The following SRCIN1 variants were observed in gnomAD, a reference collection of about 807,000 sequenced individuals.
SRCIN1 encodes SRC kinase signaling inhibitor 1.
In SRCIN1, 50 loss-of-function variants were observed where a neutral mutation model predicts 116.2. That is an observed-to-expected ratio of 0.43 (90% confidence interval 0.34 to 0.54). The LOEUF (loss-of-function observed/expected upper bound fraction) is 0.54, where lower values mean the gene tolerates loss of function less well. SRCIN1 is among the 20% of genes least tolerant of loss of function. The pLI, the probability that SRCIN1 is intolerant of heterozygous loss-of-function variation, is 0.02. For missense variants in SRCIN1, 1,446 were observed against 1,672.0 expected (o/e 0.86, Z 2.36); for synonymous variants, 736 against 750.0 (o/e 0.98, Z 0.30).
In SRCIN1 at chr17:38,551,273, C is replaced by T. The variant is rs371157459; in HGVS notation, c.2844G>A (p.Leu948=). 4 of 1,613,732 alleles carry T rather than the reference C, an allele frequency of 2.5e-6. No homozygotes were observed. Among genetic ancestry groups the T allele is most frequent in the Non-Finnish European group, 3.4e-6 (4 of 1,179,864 alleles). The change falls in exon 15 of 19, where the codon CTG becomes CTA. Residue 948 remains leucine, a synonymous_variant. Transcript: ENST00000617146. ...QAELLKAIPD[L]DCASKAHPGP... ...CTGGATGGGCCTTGCTGGCACAGTCCAGGTCAGGGATGGCCTTGAGCAGCT... is the reference window on the plus strand; with the variant it reads ...CTGGATGGGCCTTGCTGGCACAGTCTAGGTCAGGGATGGCCTTGAGCAGCT...
At position 38,563,055 on chromosome 17, in the gene SRCIN1, C is replaced by G. The variant is rs1418484030; in HGVS notation, c.741-135G>C. The G allele has an allele frequency of 1.2e-6, 1 of 822,576 alleles. No homozygotes were observed. Among genetic ancestry groups the G allele is most frequent in the Non-Finnish European group, 1.9e-6 (1 of 516,042 alleles). 51.0% of individuals were successfully genotyped at this position (822,576 alleles called of 1,614,324 possible). ...CCCCATCTCAGGCTGCCTGCACACA[C>G]GCCCAGCAGCCTCCACCCCGGCCTC... On this transcript the variant is annotated intron_variant, in intron 5 of 18. Coordinates refer to ENST00000617146, the MANE Select transcript of SRCIN1 (RefSeq NM_025248.3). This position sits in a 1 kb window ranked among gnomAD's most constrained non-coding sequence, Gnocchi z 5.8.
chr17:38,564,262 C>T lies in SRCIN1; in HGVS notation c.397G>A (p.Ala133Thr). The T allele has an allele frequency of 6.4e-7, 1 of 1,574,104 alleles. No individual in the cohort carries two copies. Among genetic ancestry groups the T allele is most frequent in the Non-Finnish European group, 8.6e-7 (1 of 1,162,528 alleles). ...QGAQPGLADQAAKLSYASAES... is the reference protein window; with the variant it reads ...QGAQPGLADQTAKLSYASAES... ...GCGGAGGCGTAGGACAGCTTTGCCG[C>T]CTGGTCTGCCAGCCCGGGCTGGGCT... is the stretch of plus-strand genomic sequence containing the variant. Residue 133 changes from alanine (A) to threonine (T), a missense_variant, in exon 4 of 19, where the codon GCG (alanine) becomes ACG (threonine). This residue lies in a region of SRCIN1 where 246 missense variants were observed against 265.1 expected (regional missense o/e 0.93). Transcript: ENST00000617146.
At chr17:38,559,981 C>G (rs1321423491) in intron 9 of SRCIN1, 73 bp downstream of exon 9, 44 of 1,403,870 alleles carry the variant, frequency 3.1e-5, no homozygotes, top group Non-Finnish European at 4.3e-5. Flanking sequence ...GTAGCTATTG[C>G]TTAATCCCCA....
rs375350657 is a variant in SRCIN1 at position 38,549,050 on chromosome 17, T to C, written c.3117+6A>G. ...CCTGGCCCTCTGTCTGAGGTGGGAG[T>C]GGTACCTTGATGAAGGCCGAGTCCT... On this transcript the variant is annotated splice_donor_region_variant and intron_variant, in intron 16 of 18. Coordinates refer to ENST00000617146, the MANE Select transcript of SRCIN1 (RefSeq NM_025248.3). 77 of 1,612,228 alleles carry C rather than the reference T, an allele frequency of 4.8e-5. No homozygotes were observed. Among genetic ancestry groups the C allele is most frequent in the Non-Finnish European group, 6.2e-5 (73 of 1,179,448 alleles).
At position 38,548,640 on chromosome 17, in the gene SRCIN1, C is replaced by A. The variant is rs371947559; in HGVS notation, c.3187G>T (p.Ala1063Ser). ...ATGGGTGGTGTGGAGGCTGGGCGGG[C>A]CACCTCAGACACAGCCCGGCGCAGC... is the stretch of plus-strand genomic sequence containing the variant. ...VKLRRAVSEV[A>S]RPASTPPIMA... The change falls in exon 17 of 19, where the codon GCC (alanine) becomes TCC (serine). Residue 1063 changes from alanine to serine, a missense_variant. Ala to Ser is a moderately conservative substitution (Grantham distance 99, BLOSUM62 1). Around this residue, in one of 5 missense-constraint regions of SRCIN1, gnomAD observed 531 missense variants for 633.9 expected, o/e 0.84. Coordinates refer to ENST00000617146, the MANE Select transcript of SRCIN1 (RefSeq NM_025248.3). The A allele has an allele frequency of 7.4e-6, 12 of 1,612,752 alleles. No homozygotes were observed. In the African/African-American group the frequency reaches 1.5e-4, roughly 20 times the overall value.
At chr17:38,580,094 A>G (rs12949774) in intron 1 of SRCIN1, among the ~76,000 whole-genome samples, 1 of 152,168 alleles carries the variant, frequency 6.6e-6, no homozygotes, top group Non-Finnish European at 1.5e-5. Flanking sequence ...CTCCAAGGGC[A>G]GCCCAGGGCA....
chr17:38,605,817 G>T lies in SRCIN1; in HGVS notation c.-112C>A. The T allele has an allele frequency of 3.5e-6, 1 of 287,010 alleles. No individual in the cohort carries two copies. The highest frequency in any genetic ancestry group is 1.2e-4 in the South Asian group (1 of 8,086). 17.8% of individuals were successfully genotyped at this position (287,010 alleles called of 1,614,324 possible). A position where few individuals can be genotyped will look rare whatever the true frequency, so the allele number is the denominator to read the frequency against. On this transcript the variant is annotated 5_prime_UTR_variant, in exon 1 of 19. Transcript: ENST00000617146. ...CAGCCCCGGGGCGCGGTGCCAGGCG[G>T]GCGGGCCGGGGGCGCGGGCCCCGCC...
chr17:38,563,902 G>T lies in SRCIN1; in HGVS notation c.541+216C>A. On this transcript the variant is annotated intron_variant, in intron 4 of 18. Coordinates refer to ENST00000617146, the MANE Select transcript of SRCIN1 (RefSeq NM_025248.3). The surrounding 1 kb of genome is among the most constrained non-coding windows in gnomAD (Gnocchi z 5.8). ...AAAGGGACAGAAAAGGAAGCAAGAG[G>T]GAGAGAGGAGGCTTGGAGGGAAAGG... 1.6e-6 allele frequency: 1 copy of T among 616,938 alleles called. No individual in the cohort carries two copies. The highest frequency in any genetic ancestry group is 2.9e-6 in the Non-Finnish European group (1 of 350,672). The allele number at this position is 616,938 out of a possible 1,614,324, so 38.2% of individuals were successfully genotyped here.
intron 1 of SRCIN1, among the ~76,000 whole-genome samples, chr17:38,587,549 G>C (rs1171675439): frequency 6.6e-6 from 1 of 152,148 alleles, no homozygotes; most frequent in Non-Finnish European, 1.5e-5. Flanking sequence ...AGGAGCTGAA[G>C]GCAGAGCCCA....
At chr17:38,606,488 G>T (rs1395712675), upstream of SRCIN1, among the ~76,000 whole-genome samples, 1 of 152,112 alleles carries the variant, frequency 6.6e-6, no homozygotes, top group Non-Finnish European at 1.5e-5. This position sits in a 1 kb window ranked among gnomAD's most constrained non-coding sequence, Gnocchi z 5.2. Context: ...GACGCGGCTC[G>T]GTCGGAGGGT....
At chr17:38,540,740 GGTGTGTGTGTGT>G (rs151164930) in intron 18 of SRCIN1, among the ~76,000 whole-genome samples, 5 of 146,760 alleles carry the variant, frequency 3.4e-5, no homozygotes, top group Non-Finnish European at 7.5e-5. Flanking sequence ...AGCTGGCAGG[GGTGTGTGTGTGT>G]GTGTGTGTGT....
Position 38,562,054 on chromosome 17 carries a change from T to C in SRCIN1, c.1109A>G (p.Glu370Gly). ...CTCGTCCGGCTTCACGTCGCGCCGC[T>C]CCAGGATGGCGCTGGGGCTGGGGCT... ...GVSPSPSAIL[E>G]RRDVKPDEDL... The change falls in exon 7 of 19, where the codon GAG (glutamate) becomes GGG (glycine). Residue 370 changes from glutamate (E) to glycine (G), a missense_variant. Glu to Gly is a moderately conservative substitution (Grantham distance 98). Around this residue, in one of 5 missense-constraint regions of SRCIN1, gnomAD observed 239 missense variants for 317.7 expected, o/e 0.75. Transcript: ENST00000617146. This position sits in a 1 kb window ranked among gnomAD's most constrained non-coding sequence, Gnocchi z 4.2. 1 of 1,488,534 alleles carries C rather than the reference T, an allele frequency of 6.7e-7. No homozygotes were observed. Among genetic ancestry groups the C allele is most frequent in the Admixed American group, 2.3e-5 (1 of 44,326 alleles). 92.2% of individuals were successfully genotyped at this position (1,488,534 alleles called of 1,614,324 possible).
At position 38,562,205 on chromosome 17, in the gene SRCIN1, G is replaced by T. The variant is rs2143190014; in HGVS notation, c.958C>A (p.Leu320Met). The T allele has an allele frequency of 2.1e-6, 3 of 1,425,504 alleles. No homozygotes were observed. The highest frequency in any genetic ancestry group is 3.0e-5 in the East Asian group (1 of 33,156). 88.3% of individuals were successfully genotyped at this position (1,425,504 alleles called of 1,614,324 possible). The change falls in exon 7 of 19, where the codon CTG (leucine) becomes ATG (methionine). Residue 320 changes from leucine (L) to methionine (M), a missense_variant. Around this residue, in one of 5 missense-constraint regions of SRCIN1, gnomAD observed 239 missense variants for 317.7 expected, o/e 0.75. Coordinates refer to ENST00000617146, the MANE Select transcript of SRCIN1 (RefSeq NM_025248.3). The surrounding 1 kb of genome is among the most constrained non-coding windows in gnomAD (Gnocchi z 4.2). ...PGLPSGLPSG[L>M]QSGSPSRSRL... ...GAACGCGACGGCGAACCGGACTGCA[G>T]CCCGGACGGCAGCCCCGACGGCAGC...
At chr17:38,548,499 G>T in intron 17 of SRCIN1, 58 bp downstream of exon 17, 2 of 1,595,396 alleles carry the variant, frequency 1.3e-6, no homozygotes. Flanking sequence ...CTGGGGGGCA[G>T]CCTGGGAGGG....
chr17:38,555,845 A>T (rs1316803406), intron 11 of SRCIN1, among the ~76,000 whole-genome samples: 8 of 152,246 alleles, frequency 5.3e-5, no homozygotes, highest in Non-Finnish European at 1.2e-4. Context: ...AGGCTGTGCC[A>T]GTTTTATAAA....
Position 38,578,407 on chromosome 17 carries a change from GGGACAC to G in SRCIN1, c.324+77_324+82del, listed in dbSNP as rs1216829098. Reference sequence around the variant, plus strand: ...GCCTCCCAGAGTTGGAATGAGCCTGGGGACACGGAGCACGGGGTCAGACCTCCTCCC... The same window carrying G: ...GCCTCCCAGAGTTGGAATGAGCCTGGGGAGCACGGGGTCAGACCTCCTCCC... On this transcript the variant is annotated intron_variant, in intron 2 of 18. Transcript: ENST00000617146. 14 of 1,447,190 alleles carry G rather than the reference GGGACAC, an allele frequency of 9.7e-6. No homozygotes were observed. The African/African-American group carries it at 2.0e-4, about 21-fold the overall frequency. 89.6% of individuals were successfully genotyped at this position (1,447,190 alleles called of 1,614,324 possible).
chr17:38,598,727 C>T (rs1478232259), intron 1 of SRCIN1, among the ~76,000 whole-genome samples: 1 of 152,200 alleles, frequency 6.6e-6, no homozygotes, highest in African/African-American at 2.4e-5. Flanking sequence ...CCTGGGCTAC[C>T]AGGAGCCAGG....
Position 38,532,111 on chromosome 17 carries a change from G to A in SRCIN1, c.*1186C>T, listed in dbSNP as rs1298734556. 6.6e-6 allele frequency: 1 copy of A among 152,254 alleles called. No individual in the cohort carries two copies. Among genetic ancestry groups the A allele is most frequent in the African/African-American group, 2.4e-5 (1 of 41,464 alleles). The allele number at this position is 152,254 out of a possible 1,614,324, so 9.4% of individuals were successfully genotyped here. On this transcript the variant is annotated 3_prime_UTR_variant, in exon 19 of 19. Coordinates refer to ENST00000617146, the MANE Select transcript of SRCIN1 (RefSeq NM_025248.3). The surrounding 1 kb of genome is among the most constrained non-coding windows in gnomAD (Gnocchi z 4.3). Reference sequence around the variant, plus strand: ...AGGGCGTCCACAGGCCAGGGGCGCTGGCTGGATGGTCAGGCCTCAGGGACC... The same window carrying A: ...AGGGCGTCCACAGGCCAGGGGCGCTAGCTGGATGGTCAGGCCTCAGGGACC...
intron 1 of SRCIN1, among the ~76,000 whole-genome samples, chr17:38,589,824 T>C (rs2471630): frequency 0.36 from 54,673 of 152,168 alleles, 13,846 homozygotes; most frequent in African/African-American, 0.72. Flanking sequence ...AACAGCCGAA[T>C]CTGCAGCCCA....
Sources: gnomAD v4.1 joint callset for allele counts (sites outside exome capture counted in the v4.1 genomes callset) on GRCh38, gnomAD v4.1.1 for gene constraint, gnomAD v4.1.1 regional missense constraint, Gnocchi (gnomAD v3.1) non-coding constraint, MANE v1.5 for transcripts, NCBI Gene and HGNC (gene_info 2026-07-23, HGNC 2026-07-21) for gene names.